Variants in IRGQ observed in about 807,000 individuals in gnomAD.
IRGQ encodes immunity-related GTPase family Q protein.
A neutral mutation model predicts 10.5 loss-of-function variants in IRGQ; 5 were observed. That is an observed-to-expected ratio of 0.48 (90% confidence interval 0.25 to 1.00). The LOEUF (loss-of-function observed/expected upper bound fraction) is 1.00. Ranked by LOEUF, IRGQ falls within the 50% of genes least tolerant of loss-of-function variation. The pLI, the probability that IRGQ is intolerant of heterozygous loss-of-function variation, is 0.16. For synonymous variants in IRGQ, 418 were observed against 426.0 expected, an observed-to-expected ratio of 0.98 and a Z score of 0.23; for missense variants, 792 against 877.7, an observed-to-expected ratio of 0.90 and a Z score of 1.23.
Position 43,594,849 on chromosome 19 carries a change from G to A in IRGQ, c.490C>T (p.Leu164Phe). 1 of 1,612,924 alleles carries A rather than the reference G, an allele frequency of 6.2e-7. No homozygotes were observed. Among genetic ancestry groups the A allele is most frequent in the Non-Finnish European group, 8.5e-7 (1 of 1,179,558 alleles). ...SSDGCEELER[L>F]RAALQSQAEA... The stretch of plus-strand genomic sequence containing the variant: ...GCCTGGCTCTGCAGCGCCGCCCGGA[G>A]GCGCTCTAGCTCCTCGCAGCCGTCG... The change falls in exon 2 of 3, where the codon CTC (leucine) becomes TTC (phenylalanine). Residue 164 changes from leucine to phenylalanine, a missense_variant. Coordinates refer to ENST00000422989, the MANE Select transcript of IRGQ (RefSeq NM_001007561.3).
At position 43,589,928 on chromosome 19, in the gene IRGQ, T is replaced by C. The variant is rs540386974; in HGVS notation, c.*2098A>G. On this transcript the variant is annotated 3_prime_UTR_variant, in exon 3 of 3. Coordinates refer to ENST00000422989, the MANE Select transcript of IRGQ (RefSeq NM_001007561.3). ...TGAAGGAAAGAGAACAGCAGGTGCA[T>C]GGGTCCCCAGGCAGGACTCAAGGTA... The C allele has an allele frequency of 6.6e-6, 1 of 152,146 alleles. No individual in the cohort carries two copies. The highest frequency in any genetic ancestry group is 1.5e-5 in the Non-Finnish European group (1 of 68,102). 9.4% of individuals were successfully genotyped at this position (152,146 alleles called of 1,614,324 possible). A position where few individuals can be genotyped will look rare whatever the true frequency, so the allele number is the denominator to read the frequency against.
chr19:43,584,513 A>G lies in IRGQ; in HGVS notation c.*7513T>C, dbSNP rs1044443137. ...AAAAGTGGCAGAATTTAAGATTTTAATCATTGGGTCATGTTGTTGGGGAGA... is the reference window on the plus strand; with the variant it reads ...AAAAGTGGCAGAATTTAAGATTTTAGTCATTGGGTCATGTTGTTGGGGAGA... On this transcript the variant is annotated 3_prime_UTR_variant, in exon 3 of 3. Coordinates refer to ENST00000422989, the MANE Select transcript of IRGQ (RefSeq NM_001007561.3). 1.2e-4 allele frequency: 18 copies of G among 152,244 alleles called. No homozygotes were observed. Among genetic ancestry groups the G allele is most frequent in the African/African-American group, 3.6e-4 (15 of 41,460 alleles). 9.4% of individuals were successfully genotyped at this position (152,244 alleles called of 1,614,324 possible).
Position 43,591,831 on chromosome 19 carries a change from A to G in IRGQ, c.*195T>C. On this transcript the variant is annotated 3_prime_UTR_variant, in exon 3 of 3. Transcript: ENST00000422989. ...CCATTGCACTCCAGCCTGGGCAACA[A>G]GAGACTTCGTCTCACAAAAAAAAGA... 1 of 540,224 alleles carries G rather than the reference A, an allele frequency of 1.9e-6. No individual in the cohort carries two copies. The highest frequency in any genetic ancestry group is 3.1e-6 in the Non-Finnish European group (1 of 324,542). The allele number at this position is 540,224 out of a possible 1,614,324, so 33.5% of individuals were successfully genotyped here.
At chr19:43,594,517 T>C (rs1973102690) in intron 2 of IRGQ, among the ~76,000 whole-genome samples, 1 of 151,648 alleles carries the variant, frequency 6.6e-6, no homozygotes, top group East Asian at 2.0e-4. Flanking sequence ...CACTCCAGCC[T>C]GGGCGACAGA....
In IRGQ at chr19:43,592,348, C is replaced by T. The variant is rs931061309; in HGVS notation, c.1550G>A (p.Arg517Gln). ...ALLRGQLAEWRRGLGLEPTAL... is the reference protein window; with the variant it reads ...ALLRGQLAEWQRGLGLEPTAL... Reference sequence around the variant, plus strand: ...CGTGGGTTCCAGCCCCAGGCCCCGTCGCCACTCCGCCAGCTGACCCCGCAG... The same window carrying T: ...CGTGGGTTCCAGCCCCAGGCCCCGTTGCCACTCCGCCAGCTGACCCCGCAG... The change falls in exon 3 of 3, where the codon CGA (arginine) becomes CAA (glutamine). Residue 517 changes from arginine to glutamine, a missense_variant. Physicochemically the swap from Arg to Gln is conservative, Grantham distance 43 (BLOSUM62 1). Coordinates refer to ENST00000422989, the MANE Select transcript of IRGQ (RefSeq NM_001007561.3). 2.4e-5 allele frequency: 37 copies of T among 1,572,220 alleles called. No homozygotes were observed. The highest frequency in any genetic ancestry group is 3.0e-5 in the Non-Finnish European group (35 of 1,167,338).
chr19:43,592,997 T>G lies in IRGQ; in HGVS notation c.901A>C (p.Ile301Leu). Residue 301 changes from isoleucine (I) to leucine (L), a missense_variant, in exon 3 of 3, where the codon ATC becomes CTC. Transcript: ENST00000422989. ...ASHPTHYDAL[I>L]LVTPGAPTEK... ...GTGGGGGCCCCAGGGGTGACGAGGATGAGGGCGTCGTAGTGCGTTGGGTGA... is the reference window on the plus strand; with the variant it reads ...GTGGGGGCCCCAGGGGTGACGAGGAGGAGGGCGTCGTAGTGCGTTGGGTGA... 1 of 1,608,752 alleles carries G rather than the reference T, an allele frequency of 6.2e-7. No individual in the cohort carries two copies.
In IRGQ at chr19:43,588,733, TA is replaced by T. The variant is rs1973022740; in HGVS notation, c.*3292del. On this transcript the variant is annotated 3_prime_UTR_variant, in exon 3 of 3. Coordinates refer to ENST00000422989, the MANE Select transcript of IRGQ (RefSeq NM_001007561.3). Reference sequence around the variant, plus strand: ...AACTCCATCTCAAAAAAAGAAAACTTAAAATGACATATGTGGCTTGCATTTC... The same window carrying T: ...AACTCCATCTCAAAAAAAGAAAACTTAAATGACATATGTGGCTTGCATTTC... 1 of 152,204 alleles carries T rather than the reference TA, an allele frequency of 6.6e-6. No individual in the cohort carries two copies. Among genetic ancestry groups the T allele is most frequent in the Admixed American group, 6.5e-5 (1 of 15,274 alleles). The allele number at this position is 152,204 out of a possible 1,614,324, so 9.4% of individuals were successfully genotyped here. A position where few individuals can be genotyped will look rare whatever the true frequency, so the allele number is the denominator to read the frequency against.
chr19:43,592,162 A>G lies in IRGQ; in HGVS notation c.1736T>C (p.Phe579Ser). Residue 579 changes from phenylalanine to serine, a missense_variant, in exon 3 of 3, where the codon TTC becomes TCC. Transcript: ENST00000422989. ...AGGAALGALS[F>S]LWPAGGAAAT... The stretch of plus-strand genomic sequence containing the variant: ...CGCTGCACCACCCGCAGGCCACAGG[A>G]AGGAGAGAGCCCCCAGTGCTGCGCC... The G allele has an allele frequency of 6.2e-7, 1 of 1,607,978 alleles. No homozygotes were observed. Among genetic ancestry groups the G allele is most frequent in the Non-Finnish European group, 8.5e-7 (1 of 1,179,442 alleles).
chr19:43,593,478 G>A lies in IRGQ; in HGVS notation c.531-111C>T. The A allele has an allele frequency of 3.4e-6, 4 of 1,159,610 alleles. No individual in the cohort carries two copies. The highest frequency in any genetic ancestry group is 4.6e-6 in the Non-Finnish European group (4 of 872,784). 71.8% of individuals were successfully genotyped at this position (1,159,610 alleles called of 1,614,324 possible). On this transcript the variant is annotated intron_variant, in intron 2 of 2. Coordinates refer to ENST00000422989, the MANE Select transcript of IRGQ (RefSeq NM_001007561.3). The surrounding 1 kb of genome is among the most constrained non-coding windows in gnomAD (Gnocchi z 6.4). The stretch of plus-strand genomic sequence containing the variant: ...CCTAATGATCCCAGAATGGGGCAGG[G>A]GTAGGAAAGGGAAGGGCCAGACTGA...
chr19:43,592,338 C>T lies in IRGQ; in HGVS notation c.1560G>A (p.Leu520=), dbSNP rs764545585. Residue 520 remains leucine (L), a synonymous_variant, in exon 3 of 3, where the codon CTG becomes CTA. Coordinates refer to ENST00000422989, the MANE Select transcript of IRGQ (RefSeq NM_001007561.3). ...GAGCCAGTGCCGTGGGTTCCAGCCCCAGGCCCCGTCGCCACTCCGCCAGCT... is the reference window on the plus strand; with the variant it reads ...GAGCCAGTGCCGTGGGTTCCAGCCCTAGGCCCCGTCGCCACTCCGCCAGCT... ...RGQLAEWRRG[L]GLEPTALARR... is the part of the protein sequence containing the mutation. 5.7e-6 allele frequency: 9 copies of T among 1,570,940 alleles called. No individual in the cohort carries two copies. Among genetic ancestry groups the T allele is most frequent in the Non-Finnish European group, 7.7e-6 (9 of 1,166,662 alleles).
rs1309533486 is a variant in IRGQ at position 43,592,275 on chromosome 19, C to A, written c.1623G>T (p.Leu541=). The A allele has an allele frequency of 1.3e-6, 2 of 1,573,604 alleles. No homozygotes were observed. The highest frequency in any genetic ancestry group is 1.7e-6 in the Non-Finnish European group (2 of 1,168,234). Residue 541 remains leucine (L), a synonymous_variant, in exon 3 of 3, where the codon CTG becomes CTT. Transcript: ENST00000422989. The part of the protein sequence containing the change: ...ERALGLASGE[L]AARAHFPGPV... ...GGCCTGGGAAATGAGCGCGCGCTGC[C>A]AGCTCTCCAGAAGCCAGGCCCAGGG...
rs1258640011 is a variant in IRGQ at position 43,592,868 on chromosome 19, C to G, written c.1030G>C (p.Gly344Arg). Residue 344 changes from glycine (G) to arginine (R), a missense_variant, in exon 3 of 3, where the codon GGC becomes CGC. Coordinates refer to ENST00000422989, the MANE Select transcript of IRGQ (RefSeq NM_001007561.3). ...TCGCCCTTGGGATTCTCCATCTTGC[C>G]TTCTCCCAGACACTCCGGATCCTCG... ...EGEDPECLGE[G>R]KMENPKGESL... The G allele has an allele frequency of 1.2e-6, 2 of 1,613,810 alleles. No individual in the cohort carries two copies. Among genetic ancestry groups the G allele is most frequent in the Admixed American group, 1.7e-5 (1 of 60,012 alleles).
Position 43,592,149 on chromosome 19 carries a change from C to G in IRGQ, c.1749G>C (p.Ala583=). ...GGCCACCTGTCGCCGCTGCACCACC[C>G]GCAGGCCACAGGAAGGAGAGAGCCC... ...ALGALSFLWP[A]GGAAATGGLG... Residue 583 remains alanine, a synonymous_variant, in exon 3 of 3, where the codon GCG becomes GCC. Transcript: ENST00000422989. 1 of 1,609,822 alleles carries G rather than the reference C, an allele frequency of 6.2e-7. No homozygotes were observed. The highest frequency in any genetic ancestry group is 8.5e-7 in the Non-Finnish European group (1 of 1,179,620).
In IRGQ at chr19:43,595,015, G is replaced by A. The variant is rs1168648575; in HGVS notation, c.324C>T (p.Thr108=). 1 of 1,613,472 alleles carries A rather than the reference G, an allele frequency of 6.2e-7. No homozygotes were observed. Among genetic ancestry groups the A allele is most frequent in the Non-Finnish European group, 8.5e-7 (1 of 1,179,888 alleles). ...EAALAALARG[T]PLLAVRNLRP... The stretch of plus-strand genomic sequence containing the variant: ...GGAGGTTCCGCACAGCCAGTAGCGG[G>A]GTCCCTCGGGCCAGGGCGGCCAGCG... The change falls in exon 2 of 3, where the codon ACC becomes ACT. Residue 108 remains threonine, a synonymous_variant. Coordinates refer to ENST00000422989, the MANE Select transcript of IRGQ (RefSeq NM_001007561.3).
rs1309714857 is a variant in IRGQ, at chr19:43,586,928, G to A, written c.*5098C>T. On this transcript the variant is annotated 3_prime_UTR_variant, in exon 3 of 3. Coordinates refer to ENST00000422989, the MANE Select transcript of IRGQ (RefSeq NM_001007561.3). ...TTTTCTATGTTGATGGAAGTATTCT[G>A]TACCTTCCCTGTCCAATACCATAGC... The A allele has an allele frequency of 6.6e-6, 1 of 152,174 alleles. No homozygotes were observed. Among genetic ancestry groups the A allele is most frequent in the Non-Finnish European group, 1.5e-5 (1 of 68,030 alleles). 9.4% of individuals were successfully genotyped at this position (152,174 alleles called of 1,614,324 possible).
In IRGQ at chr19:43,593,823, G is replaced by C. The variant is rs924906134; in HGVS notation, c.531-456C>G. The stretch of plus-strand genomic sequence containing the variant: ...CAAGGGCACTCTTTTCAGGGGCTGG[G>C]CCTAAGGAGGGTCAGTGAGGGGAGA... On this transcript the variant is annotated intron_variant, in intron 2 of 2. Coordinates refer to ENST00000422989, the MANE Select transcript of IRGQ (RefSeq NM_001007561.3). The surrounding 1 kb of genome is among the most constrained non-coding windows in gnomAD (Gnocchi z 6.4). Among the ~76,000 whole-genome samples the C allele has an allele frequency of 6.6e-6, 1 of 152,198 alleles. No homozygotes were observed. The highest frequency in any genetic ancestry group is 1.5e-5 in the Non-Finnish European group (1 of 68,032).
chr19:43,593,037 G>T lies in IRGQ; in HGVS notation c.861C>A (p.Thr287=). The change falls in exon 3 of 3, where the codon ACC becomes ACA. Residue 287 remains threonine (T), a synonymous_variant. Transcript: ENST00000422989. This position sits in a 1 kb window ranked among gnomAD's most constrained non-coding sequence, Gnocchi z 6.4. ...VPLGHTGTAT[T]AAAASHPTHY... is the part of the protein sequence containing the mutation. ...GCGTTGGGTGAGAGGCGGCGGCCGC[G>T]GTGGTGGCAGTGCCCGTGTGGCCCA... The T allele has an allele frequency of 6.2e-7, 1 of 1,606,014 alleles. No homozygotes were observed.
chr19:43,594,478 G>T (rs1245816413), intron 2 of IRGQ, among the ~76,000 whole-genome samples: 1 of 152,000 alleles, frequency 6.6e-6, no homozygotes, highest in African/African-American at 2.4e-5. Context: ...GGAGGTGGAG[G>T]CCGTCAGTGA....
chr19:43,584,904 T>G lies in IRGQ; in HGVS notation c.*7122A>C, dbSNP rs995607054. The stretch of plus-strand genomic sequence containing the variant: ...CTCTGTCACCCAGGCTGGAGTGCAG[T>G]GGAGCCATCATAGCTCACTTCAGCC... On this transcript the variant is annotated 3_prime_UTR_variant, in exon 3 of 3. Coordinates refer to ENST00000422989, the MANE Select transcript of IRGQ (RefSeq NM_001007561.3). 6.6e-6 allele frequency: 1 copy of G among 151,162 alleles called. No homozygotes were observed. Among genetic ancestry groups the G allele is most frequent in the Middle Eastern group, 3.4e-3 (1 of 290 alleles). 9.4% of individuals were successfully genotyped at this position (151,162 alleles called of 1,614,324 possible).
Sources: allele counts gnomAD v4.1 joint callset (sites outside exome capture counted in the v4.1 genomes callset), GRCh38; gene constraint gnomAD v4.1.1; non-coding constraint Gnocchi (gnomAD v3.1); transcripts MANE v1.5; gene names NCBI Gene and HGNC (gene_info 2026-07-23, HGNC 2026-07-21).